TJP2: variants seen among roughly 807,000 people sequenced by gnomAD.
TJP2 encodes the protein Friedreich ataxia region gene X104 (tight junction protein ZO-2).
In TJP2, 91 loss-of-function variants were observed where a neutral mutation model predicts 133.1. That is an observed-to-expected ratio of 0.68 (90% CI 0.58 to 0.81). The LOEUF (loss-of-function observed/expected upper bound fraction) is 0.81, where lower values mean the gene tolerates loss of function less well. Among genes scored for constraint, TJP2 ranks in the 40% least tolerant of loss-of-function variants. TJP2 has a pLI of 0.00. For missense variants in TJP2, 1,541 were observed against 1,565.6 expected, an observed-to-expected ratio of 0.98 and a Z score of 0.26; for synonymous variants, 592 against 583.4, an observed-to-expected ratio of 1.01 and a Z score of -0.21.
chr9:69,196,663 C>A (rs1396055941), intron 1 of TJP2, among the ~76,000 whole-genome samples: 1 of 151,954 alleles, frequency 6.6e-6, no homozygotes, highest in Non-Finnish European at 1.5e-5. Flanking sequence ...AGTGTGCAAC[C>A]AGTGGCTTTT....
intron 1 of TJP2, chr9:69,205,452 C>T (rs1035458918): frequency 2.1e-6 from 2 of 956,176 alleles, no homozygotes; most frequent in Non-Finnish European, 3.0e-6. Context: ...AACTGATAGC[C>T]TCTTACTGGA....
At position 69,239,946 on chromosome 9, in the gene TJP2, G is replaced by A; in HGVS notation, c.2365G>A (p.Ala789Thr). Reference protein sequence around the residue: ...VRQIIEQDKHALLDVTPKAVD... With the variant: ...VRQIIEQDKHTLLDVTPKAVD... ...CCCCTTTTGTAAACAGGATAAGCAT[G>A]CACTACTGGATGTGACTCCGAAAGC... The change falls in exon 17 of 23, where the codon GCA becomes ACA. Residue 789 changes from alanine to threonine, a missense_variant. Physicochemically the swap from Ala to Thr is moderately conservative, Grantham distance 58. Coordinates refer to ENST00000377245, the MANE Select transcript of TJP2 (RefSeq NM_004817.4). 6.2e-7 allele frequency: 1 copy of A among 1,613,954 alleles called. No homozygotes were observed. Among genetic ancestry groups the A allele is most frequent in the South Asian group, 1.1e-5 (1 of 91,078 alleles).
chr9:69,136,970 T>C (rs1050985142), intron 1 of TJP2, among the ~76,000 whole-genome samples: 2 of 152,180 alleles, frequency 1.3e-5, no homozygotes, highest in Non-Finnish European at 2.9e-5. Flanking sequence ...ACGCTTTGTG[T>C]GTGTCATCAG....
chr9:69,179,013 A>T (rs1442589448), intron 1 of TJP2, among the ~76,000 whole-genome samples: 1 of 152,044 alleles, frequency 6.6e-6, no homozygotes, highest in Non-Finnish European at 1.5e-5. Context: ...TGGTCTGTAA[A>T]ATAGGCTTTA....
rs779063663 is a variant in TJP2 at position 69,174,376 on chromosome 9, C to T, written c.4C>T (p.Pro2Ser). Residue 2 changes from proline to serine, a missense_variant, in exon 1 of 23, where the codon CCG becomes TCG. Physicochemically the swap from Pro to Ser is moderately conservative, Grantham distance 74 (BLOSUM62 -1). Transcript: ENST00000377245. ...CTACGCGGGACCTGTGTCCGAAATG[C>T]CGGTGCGAGGAGACCGCGGGTTTCC... M[P>S]VRGDRGFPPR... is the part of the protein sequence containing the mutation. 1.3e-6 allele frequency: 2 copies of T among 1,551,836 alleles called. No homozygotes were observed. Among genetic ancestry groups the T allele is most frequent in the Non-Finnish European group, 8.7e-7 (1 of 1,147,086 alleles).
chr9:69,210,150 G>A (rs1827758139), intron 1 of TJP2, among the ~76,000 whole-genome samples: 1 of 151,890 alleles, frequency 6.6e-6, no homozygotes, highest in South Asian at 2.1e-4. Flanking sequence ...TGAGCTGGGT[G>A]TGGTGGCGCA....
chr9:69,249,622 C>G (rs1831187761), intron 20 of TJP2, 137 bp downstream of exon 20: 4 of 1,529,038 alleles, frequency 2.6e-6, no homozygotes, highest in Non-Finnish European at 3.5e-6. Context: ...TCTATTAGAG[C>G]CTATCTTTTG....
chr9:69,170,044 T>C (rs560808585), upstream of TJP2, among the ~76,000 whole-genome samples: 102 of 152,270 alleles, frequency 6.7e-4, 1 homozygote, highest in Non-Finnish European at 3.8e-4. Flanking sequence ...AGACAGAATC[T>C]CACTATGTTG....
In TJP2 at chr9:69,254,372, T is replaced by C. The variant is rs1167716439; in HGVS notation, c.3571T>C (p.Ter1191GlnextTer30). The change falls in exon 23 of 23, where the codon TAG becomes CAG. Residue 1191 changes from the stop codon to glutamine, a stop_lost. Transcript: ENST00000377245. ...QSARYRDTEL[*>Q] ...TGCCCGATACCGGGACACAGAATTA[T>C]AGATGTCTGAGCACGGACTCTCCCA... is the stretch of plus-strand genomic sequence containing the variant. 3.1e-6 allele frequency: 5 copies of C among 1,614,156 alleles called. No homozygotes were observed. The highest frequency in any genetic ancestry group is 4.2e-6 in the Non-Finnish European group (5 of 1,180,032).
chr9:69,244,822 G>A (rs1342532038), intron 17 of TJP2, among the ~76,000 whole-genome samples: 1 of 152,160 alleles, frequency 6.6e-6, no homozygotes, highest in Non-Finnish European at 1.5e-5. Context: ...AAACTTGACT[G>A]TTAATGTGAA....
rs183412157 is a variant in TJP2, at chr9:69,218,290, C to A, written c.273C>A (p.Thr91=). The part of the protein sequence containing the change: ...ENDRVVMVNG[T]PMEDVLHSFA... Reference sequence around the variant, plus strand: ...ACAGAGTGGTCATGGTCAATGGCACCCCCATGGAGGATGTGCTTCATTCGT... The same window carrying A: ...ACAGAGTGGTCATGGTCAATGGCACACCCATGGAGGATGTGCTTCATTCGT... The change falls in exon 4 of 23, where the codon ACC becomes ACA. Residue 91 remains threonine, a synonymous_variant. Transcript: ENST00000377245. The A allele has an allele frequency of 2.5e-6, 4 of 1,614,030 alleles. No individual in the cohort carries two copies. In the Admixed American group the frequency reaches 5.0e-5, roughly 20 times the overall value.
chr9:69,229,358 T>G, intron 10 of TJP2, 108 bp downstream of exon 10: 1 of 1,073,542 alleles, frequency 9.3e-7, no homozygotes, highest in South Asian at 1.3e-5. Flanking sequence ...TTTTGTACAC[T>G]GTCAGCCACC....
chr9:69,203,485 G>A (rs1003233027), intron 1 of TJP2, among the ~76,000 whole-genome samples: 4 of 151,632 alleles, frequency 2.6e-5, no homozygotes, highest in African/African-American at 7.3e-5. Flanking sequence ...TGTGTTTTTA[G>A]TAGAGACGAG....
At chr9:69,159,882 AAG>A (rs1030112566) in intron 2 of TJP2, among the ~76,000 whole-genome samples, 6 of 131,074 alleles carry the variant, frequency 4.6e-5, no homozygotes, top group Admixed American at 3.4e-4. Context: ...AAAAAAAAGA[AAG>A]AAATATATAC....
intron 20 of TJP2, among the ~76,000 whole-genome samples, chr9:69,250,166 A>G (rs1396368113): frequency 6.6e-6 from 1 of 152,128 alleles, no homozygotes; most frequent in African/African-American, 2.4e-5. Flanking sequence ...GCAGTGGTGC[A>G]ATCTCGGCTC....
intron 2 of TJP2, among the ~76,000 whole-genome samples, chr9:69,157,069 T>G (rs1430685293): frequency 6.6e-6 from 1 of 152,204 alleles, no homozygotes; most frequent in Non-Finnish European, 1.5e-5. Context: ...CAACCCCCAC[T>G]TCCCTTCATG....
Position 69,221,048 on chromosome 9 carries a change from C to T in TJP2, c.504C>T (p.Ser168=), listed in dbSNP as rs977193494. ...RSRLNSHGGR[S]RSWEDSPERG... ...GGCTGAACAGCCATGGGGGGCGCAGCCGCAGCTGGGAGGACAGCCCGGAAA... is the reference window on the plus strand; with the variant it reads ...GGCTGAACAGCCATGGGGGGCGCAGTCGCAGCTGGGAGGACAGCCCGGAAA... The change falls in exon 5 of 23, where the codon AGC becomes AGT. Residue 168 remains serine, a synonymous_variant. Transcript: ENST00000377245. 6.2e-7 allele frequency: 1 copy of T among 1,604,810 alleles called. No individual in the cohort carries two copies.
At chr9:69,204,011 C>T (rs1387435047) in intron 1 of TJP2, among the ~76,000 whole-genome samples, 1 of 152,204 alleles carries the variant, frequency 6.6e-6, no homozygotes, top group East Asian at 1.9e-4. Context: ...ACACATTTCC[C>T]AGTGCCTGTC....
chr9:69,167,162 C>G (rs894711826), intron 2 of TJP2, among the ~76,000 whole-genome samples: 2 of 152,048 alleles, frequency 1.3e-5, no homozygotes, highest in Admixed American at 1.3e-4. Flanking sequence ...TGCTTGAACT[C>G]AGGAGGCGGA....
Sources: gnomAD v4.1 joint callset for allele counts (sites outside exome capture counted in the v4.1 genomes callset) on GRCh38, gnomAD v4.1.1 for gene constraint, MANE v1.5 for transcripts, NCBI Gene and HGNC (gene_info 2026-07-23, HGNC 2026-07-21) for gene names.